DLG4: variants seen among roughly 807,000 people sequenced by gnomAD.
DLG4 encodes discs large MAGUK scaffold protein 4.
Under a neutral mutation model 93.8 loss-of-function variants are expected in DLG4, and 7 were observed. That is an observed-to-expected ratio of 0.07 (90% CI 0.04 to 0.14). The LOEUF (loss-of-function observed/expected upper bound fraction) is 0.14, where lower values mean the gene tolerates loss of function less well. DLG4 is among the 10% of genes least tolerant of loss of function. The probability of loss-of-function intolerance (pLI) is 1.00; values close to 1 mark genes in which losing one functional copy is unlikely to be tolerated. For synonymous variants in DLG4, 341 were observed against 387.6 expected (o/e 0.88, Z 1.41); for missense variants, 545 against 992.9 (o/e 0.55, Z 6.06).
chr17:7,191,860 G>A lies in DLG4; in HGVS notation c.1976+33C>T, dbSNP rs770580850. 244 of 1,387,756 alleles carry A rather than the reference G, an allele frequency of 1.8e-4. No homozygotes were observed. Among genetic ancestry groups the A allele is most frequent in the Non-Finnish European group, 2.3e-4 (238 of 1,045,686 alleles). The allele number at this position is 1,387,756 out of a possible 1,614,324, so 86.0% of individuals were successfully genotyped here. ...AGGCCCAGGGCCACAGGTGTTGGGGGAGCAAAGGGGAGGCCCCCAGGACCA... is the reference window on the plus strand; with the variant it reads ...AGGCCCAGGGCCACAGGTGTTGGGGAAGCAAAGGGGAGGCCCCCAGGACCA... On this transcript the variant is annotated intron_variant, in intron 18 of 19. Transcript: ENST00000399506. The surrounding 1 kb of genome is among the most constrained non-coding windows in gnomAD (Gnocchi z 6.6).
In DLG4 at chr17:7,189,360, T is replaced by C. The variant is rs1179362764; in HGVS notation, c.*1348A>G. 6.6e-6 allele frequency among the ~76,000 whole-genome samples: 1 copy of C among 150,560 alleles called. No individual in the cohort carries two copies. The highest frequency in any genetic ancestry group is 2.1e-4 in the South Asian group (1 of 4,750). On this transcript the variant is annotated 3_prime_UTR_variant, in exon 20 of 20. Coordinates refer to ENST00000399506, the MANE Select transcript of DLG4 (RefSeq NM_001321075.3). ...CAAAATTAGCCAGGCATGGTGGCAG[T>C]AATCTGTAATCCCAGCTACTCAGGG...
intron 8 of DLG4, among the ~76,000 whole-genome samples, chr17:7,202,554 T>C (rs2070199796): frequency 6.6e-6 from 1 of 152,190 alleles, no homozygotes; most frequent in Non-Finnish European, 1.5e-5. Context: ...TTTTACACTA[T>C]CCTTGTGACC....
rs371808762 is a variant in DLG4, at chr17:7,191,950, G to A, written c.1919C>T (p.Ala640Val). Residue 640 changes from alanine (A) to valine (V), a missense_variant, in exon 18 of 20, where the codon GCG (alanine) becomes GTG (valine). By Grantham distance (64) the Ala-to-Val change is moderately conservative. Coordinates refer to ENST00000399506, the MANE Select transcript of DLG4 (RefSeq NM_001321075.3). This position sits in a 1 kb window ranked among gnomAD's most constrained non-coding sequence, Gnocchi z 6.6. ...VSANAVRRLQ[A>V]AHLHPIAIFI... ...GATGGCGATGGGGTGCAGGTGGGCC[G>A]CCTGCAGCCGCCGCACGGCATTGGC... The A allele has an allele frequency of 3.2e-5, 48 of 1,486,110 alleles. No homozygotes were observed. Among genetic ancestry groups the A allele is most frequent in the Non-Finnish European group, 4.1e-5 (46 of 1,114,864 alleles). The allele number at this position is 1,486,110 out of a possible 1,614,324, so 92.1% of individuals were successfully genotyped here. A position where few individuals can be genotyped will look rare whatever the true frequency, so the allele number is the denominator to read the frequency against.
In DLG4 at chr17:7,196,638, G is replaced by C; in HGVS notation, c.1084-63C>G. On this transcript the variant is annotated intron_variant, in intron 9 of 19. Transcript: ENST00000399506. The surrounding 1 kb of genome is among the most constrained non-coding windows in gnomAD (Gnocchi z 8.3). The stretch of plus-strand genomic sequence containing the variant: ...GAGGCAGCACTTCTGGGTCCAGGTG[G>C]AGCAGGGAGTGGTCCCGCAAGAGGA... 1 of 1,601,988 alleles carries C rather than the reference G, an allele frequency of 6.2e-7. No individual in the cohort carries two copies. The highest frequency in any genetic ancestry group is 1.1e-5 in the South Asian group (1 of 90,274).
At chr17:7,213,748 C>T in intron 1 of DLG4, 2 of 471,110 alleles carry the variant, frequency 4.2e-6, no homozygotes, top group Non-Finnish European at 8.8e-6. Context: ...AATCGGCTGA[C>T]TTCTATAAAA....
chr17:7,218,657 G>C (rs540020343), upstream of DLG4: 8 of 1,556,244 alleles, frequency 5.1e-6, no homozygotes, highest in African/African-American at 1.1e-4. Flanking sequence ...GATGCAAGGA[G>C]AATTGGGACA....
chr17:7,211,580 G>C, intron 1 of DLG4: 2 of 533,590 alleles, frequency 3.7e-6, no homozygotes, highest in Non-Finnish European at 4.8e-6. Context: ...AAGAGCGACA[G>C]CGCTTGAAGC....
rs1484512483 is a variant in DLG4 at position 7,203,457 on chromosome 17, C to G, written c.472G>C (p.Val158Leu). Residue 158 changes from valine (V) to leucine (L), a missense_variant, in exon 6 of 20, where the codon GTC becomes CTC. Val to Leu is a conservative substitution (Grantham distance 32). This residue lies in a region of DLG4 where 30 missense variants were observed against 36.1 expected (regional missense o/e 0.83). Transcript: ENST00000399506. The surrounding 1 kb of genome is among the most constrained non-coding windows in gnomAD (Gnocchi z 7.2). Reference sequence around the variant, plus strand: ...CCCTTGATGAGCTTGATCTCCATGACCTTCTCAGCCGGGGGCTTCCGGCGC... The same window carrying G: ...CCCTTGATGAGCTTGATCTCCATGAGCTTCTCAGCCGGGGGCTTCCGGCGC... Reference protein sequence around the residue: ...VMRRKPPAEKVMEIKLIKGPK... With the variant: ...VMRRKPPAEKLMEIKLIKGPK... 6.2e-7 allele frequency: 1 copy of G among 1,611,818 alleles called. No homozygotes were observed. The highest frequency in any genetic ancestry group is 8.5e-7 in the Non-Finnish European group (1 of 1,178,112).
chr17:7,193,245 C>T lies in DLG4; in HGVS notation c.1694-128G>A. 5 of 1,389,718 alleles carry T rather than the reference C, an allele frequency of 3.6e-6. No individual in the cohort carries two copies. Among genetic ancestry groups the T allele is most frequent in the Non-Finnish European group, 4.0e-6 (4 of 1,003,554 alleles). 86.1% of individuals were successfully genotyped at this position (1,389,718 alleles called of 1,614,324 possible). A position where few individuals can be genotyped will look rare whatever the true frequency, so the allele number is the denominator to read the frequency against. On this transcript the variant is annotated intron_variant, in intron 16 of 19. Transcript: ENST00000399506. This position sits in a 1 kb window ranked among gnomAD's most constrained non-coding sequence, Gnocchi z 6.7. The stretch of plus-strand genomic sequence containing the variant: ...GGTGAAAGGGAGCTGCCAGGGAGAC[C>T]AAGACTGCAGAGGGCCAGAACCGCT...
At chr17:7,213,831 C>T (rs1207725809) in intron 1 of DLG4, 1 of 471,218 alleles carries the variant, frequency 2.1e-6, no homozygotes, top group Admixed American at 2.3e-5. Context: ...TGATCGGCAT[C>T]TGTTACATGC....
chr17:7,198,891 C>T (rs1008861298), intron 8 of DLG4, among the ~76,000 whole-genome samples: 7 of 151,694 alleles, frequency 4.6e-5, no homozygotes, highest in Non-Finnish European at 8.8e-5. Context: ...TGGCACTCGC[C>T]TGTAATCCCA....
chr17:7,193,855 G>C lies in DLG4; in HGVS notation c.1532C>G (p.Ser511Cys). The C allele has an allele frequency of 6.2e-7, 1 of 1,612,952 alleles. No homozygotes were observed. ...RLKAKDWGSS[S>C]GSQGREDSVL... ...CTAACCCTACCTACCCTGCGATCCA[G>C]AGCTGGAGCCCCAGTCCTAAGAAGA... The change falls in exon 14 of 20, where the codon TCT becomes TGT. Residue 511 changes from serine to cysteine, a missense_variant. This residue lies in a region of DLG4 where 428 missense variants were observed against 741.4 expected (regional missense o/e 0.58). Transcript: ENST00000399506. This position sits in a 1 kb window ranked among gnomAD's most constrained non-coding sequence, Gnocchi z 6.7.
intron 17 of DLG4, 48 bp from the exon 18 acceptor site, chr17:7,192,050 A>T: frequency 8.8e-7 from 1 of 1,137,798 alleles, no homozygotes; most frequent in Non-Finnish European, 1.2e-6. Context: ...GTGGCGAGAA[A>T]GGACAGAGAG....
In DLG4 at chr17:7,196,250, C is replaced by T. The variant is rs780858708; in HGVS notation, c.1271G>A (p.Arg424Gln). ...GTAGAAACCCCTTTTGGGGTTGCTC[C>T]GCAGGGACGCAGTCCCTGAGCCCAG... ...SSLGSGTASL[R>Q]SNPKRGFYIR... Residue 424 changes from arginine to glutamine, a missense_variant, in exon 11 of 20, where the codon CGG becomes CAG. By Grantham distance (43) the Arg-to-Gln change is conservative. This residue lies in a region of DLG4 where 428 missense variants were observed against 741.4 expected (regional missense o/e 0.58). Coordinates refer to ENST00000399506, the MANE Select transcript of DLG4 (RefSeq NM_001321075.3). The surrounding 1 kb of genome is among the most constrained non-coding windows in gnomAD (Gnocchi z 8.3). 2.5e-6 allele frequency: 4 copies of T among 1,613,834 alleles called. No homozygotes were observed. The highest frequency in any genetic ancestry group is 2.2e-5 in the East Asian group (1 of 44,866).
At chr17:7,211,695 G>T in intron 1 of DLG4, 1 of 973,928 alleles carries the variant, frequency 1.0e-6, no homozygotes, top group Non-Finnish European at 1.2e-6. Flanking sequence ...GTTCCGAGCC[G>T]ACATGGAGAA....
chr17:7,217,803 C>G, upstream of DLG4: 2 of 1,535,184 alleles, frequency 1.3e-6, no homozygotes, highest in South Asian at 2.4e-5. Flanking sequence ...CCAGCGATGA[C>G]AGCAAAGACG....
At chr17:7,218,957 C>G, upstream of DLG4, 1 of 1,209,982 alleles carries the variant, frequency 8.3e-7, no homozygotes, top group Non-Finnish European at 1.2e-6. Flanking sequence ...CTGAGCCGAC[C>G]AGCTGTCCCA....
At chr17:7,219,868 T>C (rs757178968), upstream of DLG4, 583 of 1,539,378 alleles carry the variant, frequency 3.8e-4, no homozygotes, top group Non-Finnish European at 5.1e-4. Context: ...CCCGCAACCG[T>C]CCGCCGCCCG....
upstream of DLG4, chr17:7,219,462 C>A: frequency 6.8e-6 from 7 of 1,036,256 alleles, no homozygotes; most frequent in Non-Finnish European, 5.8e-6. Flanking sequence ...CAGAAGAATA[C>A]ACTTAGGGTA....
Sources: gnomAD v4.1 joint callset for allele counts (sites outside exome capture counted in the v4.1 genomes callset) on GRCh38, gnomAD v4.1.1 for gene constraint, gnomAD v4.1.1 regional missense constraint, Gnocchi (gnomAD v3.1) non-coding constraint, MANE v1.5 for transcripts, NCBI Gene and HGNC (gene_info 2026-07-23, HGNC 2026-07-21) for gene names.